FNDC1: variants seen among roughly 807,000 people sequenced by gnomAD.
FNDC1 encodes fibronectin type III domain-containing protein 1.
FNDC1 carries 96 observed loss-of-function variants against 168.0 expected under a neutral mutation model. That is an observed-to-expected ratio of 0.57 (90% CI 0.48 to 0.68). FNDC1 has a LOEUF of 0.68. Among genes scored for constraint, FNDC1 ranks in the 30% least tolerant of loss-of-function variants. FNDC1 has a pLI of 0.00. For synonymous variants in FNDC1, 1,099 were observed against 1,025.9 expected, an observed-to-expected ratio of 1.07 and a Z score of -1.36; for missense variants, 2,587 against 2,482.1, an observed-to-expected ratio of 1.04 and a Z score of -0.90.
intron 19 of FNDC1, among the ~76,000 whole-genome samples, chr6:159,262,065 C>T (rs1185861845): frequency 6.6e-6 from 1 of 152,174 alleles, no homozygotes; most frequent in Non-Finnish European, 1.5e-5. Flanking sequence ...CATGATCATG[C>T]CACTGCCCTC....
rs199567089 is a variant in FNDC1 at position 159,225,667 on chromosome 6, G to A, written c.1017G>A (p.Gln339=). 163 of 1,613,908 alleles carry A rather than the reference G, an allele frequency of 1.0e-4. No homozygotes were observed. In the East Asian group the frequency reaches 1.3e-3, roughly 13 times the overall value. Reference sequence around the variant, plus strand: ...ATGAATTTGCAGTCCGTATTTCACAGGGTGAAAGAGATGGCAAATGGAGTA... The same window carrying A: ...ATGAATTTGCAGTCCGTATTTCACAAGGTGAAAGAGATGGCAAATGGAGTA... ...TVYEFAVRIS[Q]GERDGKWSTS... Residue 339 remains glutamine, a synonymous_variant, in exon 8 of 23, where the codon CAG becomes CAA. Coordinates refer to ENST00000297267, the MANE Select transcript of FNDC1 (RefSeq NM_032532.3).
chr6:159,241,034 G>T (rs1373196386), intron 14 of FNDC1: 1 of 152,128 alleles, frequency 6.6e-6, no homozygotes, highest in Non-Finnish European at 1.5e-5. Flanking sequence ...GTCTTTCCGT[G>T]AAAAAGTTAC....
In FNDC1 at chr6:159,234,499, A is replaced by C; in HGVS notation, c.3967+20A>C. 1 of 1,611,342 alleles carries C rather than the reference A, an allele frequency of 6.2e-7. No homozygotes were observed. On this transcript the variant is annotated intron_variant, in intron 11 of 22. Coordinates refer to ENST00000297267, the MANE Select transcript of FNDC1 (RefSeq NM_032532.3). Reference sequence around the variant, plus strand: ...GACAAGGTAGTTTATTTTTTCAAACAGTCTTTCTTTAAGGTGTTCAGTGGT... The same window carrying C: ...GACAAGGTAGTTTATTTTTTCAAACCGTCTTTCTTTAAGGTGTTCAGTGGT...
chr6:159,254,015 C>T (rs534945787), intron 17 of FNDC1, among the ~76,000 whole-genome samples: 1 of 152,338 alleles, frequency 6.6e-6, no homozygotes, highest in South Asian at 2.1e-4. Context: ...CAACTCTTCC[C>T]AAGTTCAATG....
At chr6:159,265,459 G>C (rs1777570997) in intron 20 of FNDC1, among the ~76,000 whole-genome samples, 1 of 152,134 alleles carries the variant, frequency 6.6e-6, no homozygotes, top group African/African-American at 2.4e-5. Flanking sequence ...TGCCCCAAAA[G>C]ACCAAATCTG....
chr6:159,225,790 A>T, intron 8 of FNDC1, 68 bp downstream of exon 8: 2 of 1,394,046 alleles, frequency 1.4e-6, no homozygotes, highest in Non-Finnish European at 2.0e-6. Context: ...TTTAAAGACA[A>T]TGTAAGATGC....
chr6:159,199,179 A>G (rs1036359881), intron 2 of FNDC1, among the ~76,000 whole-genome samples: 1 of 152,222 alleles, frequency 6.6e-6, no homozygotes, highest in African/African-American at 2.4e-5. Flanking sequence ...CTGTCACAAG[A>G]CAGTGATTCA....
intron 19 of FNDC1, among the ~76,000 whole-genome samples, chr6:159,262,770 G>A (rs1411423954): frequency 6.6e-6 from 1 of 152,266 alleles, no homozygotes; most frequent in Non-Finnish European, 1.5e-5. Context: ...TGGCCTCCAA[G>A]GGATGGGTGA....
chr6:159,202,363 CT>C (rs1274746277), intron 4 of FNDC1, among the ~76,000 whole-genome samples: 7 of 152,350 alleles, frequency 4.6e-5, no homozygotes, highest in African/African-American at 1.7e-4. Context: ...CACCATGTAT[CT>C]ATACCTTTTG....
chr6:159,223,217 T>C (rs1175188486), intron 6 of FNDC1, among the ~76,000 whole-genome samples: 1 of 152,010 alleles, frequency 6.6e-6, no homozygotes, highest in African/African-American at 2.4e-5. Flanking sequence ...AGGATGGTCT[T>C]GATCTCCTGA....
Position 159,238,673 on chromosome 6 carries a change from A to T in FNDC1, c.4180+8A>T, listed in dbSNP as rs1305688435. ...ATGGTCGAACCATTGTAGGTAAGGG[A>T]GAATGGTTTTTAAAGAATAAAAGCC... is the stretch of plus-strand genomic sequence containing the variant. On this transcript the variant is annotated splice_region_variant and intron_variant, in intron 13 of 22. Coordinates refer to ENST00000297267, the MANE Select transcript of FNDC1 (RefSeq NM_032532.3). 1.3e-6 allele frequency: 2 copies of T among 1,560,442 alleles called. No individual in the cohort carries two copies. The highest frequency in any genetic ancestry group is 8.7e-7 in the Non-Finnish European group (1 of 1,143,854).
intron 18 of FNDC1, among the ~76,000 whole-genome samples, chr6:159,259,859 T>C (rs1215108916): frequency 6.6e-6 from 1 of 152,254 alleles, no homozygotes; most frequent in African/African-American, 2.4e-5. Flanking sequence ...TTTTACCCAA[T>C]GGCTTTTCTT....
intron 1 of FNDC1, among the ~76,000 whole-genome samples, chr6:159,184,545 G>C (rs1029631560): frequency 3.9e-5 from 6 of 152,160 alleles, no homozygotes; most frequent in African/African-American, 2.4e-5. Flanking sequence ...CTGGCTCTTG[G>C]TCATGTCTGT....
intron 4 of FNDC1, among the ~76,000 whole-genome samples, chr6:159,214,128 A>G (rs1023705653): frequency 2.0e-5 from 3 of 152,200 alleles, no homozygotes; most frequent in African/African-American, 4.8e-5. Context: ...TGGATCCCCA[A>G]ATGAGGGCTT....
chr6:159,269,209 CTATCTATCTATCT>C (rs1562315628), intron 22 of FNDC1, among the ~76,000 whole-genome samples: 15 of 111,956 alleles, frequency 1.3e-4, no homozygotes, highest in Admixed American at 4.5e-4. Flanking sequence ...CTATTCATAT[CTATCTATCTATCT>C]ATCTATCTAT....
rs1226928368 is a variant in FNDC1, at chr6:159,236,308, C to G, written c.4061C>G (p.Thr1354Arg). The G allele has an allele frequency of 6.2e-7, 1 of 1,611,988 alleles. No individual in the cohort carries two copies. The highest frequency in any genetic ancestry group is 8.5e-7 in the Non-Finnish European group (1 of 1,178,334). The change falls in exon 12 of 23, where the codon ACA (threonine) becomes AGA (arginine). Residue 1354 changes from threonine to arginine, a missense_variant. Thr to Arg is a moderately conservative substitution (Grantham distance 71). Coordinates refer to ENST00000297267, the MANE Select transcript of FNDC1 (RefSeq NM_032532.3). ...AGAATTATCAATGGCCCTCAAGGAACAAAGTGGGTAGGGTAAACTTCTTTA... is the reference window on the plus strand; with the variant it reads ...AGAATTATCAATGGCCCTCAAGGAAGAAAGTGGGTAGGGTAAACTTCTTTA... ...GQRIINGPQGTKWVVDLDRGL... is the reference protein window; with the variant it reads ...GQRIINGPQGRKWVVDLDRGL...
In FNDC1 at chr6:159,255,528, G is replaced by T. The variant is rs554832079; in HGVS notation, c.5066-995G>T. ...CACCCTGCGGCTTCATGAGCTTCTG[G>T]TCACTACTTTATCTCCAGCACTTAG... On this transcript the variant is annotated intron_variant, in intron 17 of 22. Transcript: ENST00000297267. Among the ~76,000 whole-genome samples the T allele has an allele frequency of 7.2e-5, 11 of 152,280 alleles. No individual in the cohort carries two copies. The South Asian group carries it at 2.3e-3, about 32-fold the overall frequency.
intron 17 of FNDC1, among the ~76,000 whole-genome samples, chr6:159,255,185 G>C (rs1777347056): frequency 6.6e-6 from 1 of 152,176 alleles, no homozygotes. Context: ...GTGCTGCCTA[G>C]TTTTCCCATC....
chr6:159,265,045 A>C (rs745319122), intron 20 of FNDC1, 41 bp downstream of exon 20: 5 of 1,533,732 alleles, frequency 3.3e-6, no homozygotes, highest in Non-Finnish European at 3.6e-6. Flanking sequence ...TCTGGTAATC[A>C]AGTTGAATAT....
Sources: gnomAD v4.1 joint callset for allele counts (sites outside exome capture counted in the v4.1 genomes callset) on GRCh38, gnomAD v4.1.1 for gene constraint, MANE v1.5 for transcripts, NCBI Gene and HGNC (gene_info 2026-07-23, HGNC 2026-07-21) for gene names.